MAP1B: variants seen among roughly 807,000 people sequenced by gnomAD.
MAP1B encodes microtubule associated protein 1B.
A neutral mutation model predicts 176.1 loss-of-function variants in MAP1B; 12 were observed. The observed-to-expected ratio is 0.07, with a 90% CI of 0.04 to 0.11. The LOEUF (loss-of-function observed/expected upper bound fraction) is 0.11, where lower values mean the gene tolerates loss of function less well. MAP1B is among the 10% of genes least tolerant of loss of function. The pLI, the probability that MAP1B is intolerant of heterozygous loss-of-function variation, is 1.00. For synonymous variants in MAP1B, 1,044 were observed against 1,135.0 expected (o/e 0.92, Z 1.61); for missense variants, 2,523 against 2,990.5 (o/e 0.84, Z 3.65).
At chr5:72,151,105 TG>T (rs1398357363) in intron 2 of MAP1B, among the ~76,000 whole-genome samples, 3 of 152,146 alleles carry the variant, frequency 2.0e-5, no homozygotes, top group African/African-American at 7.2e-5. Flanking sequence ...GGCATCTGCT[TG>T]GCTTCTGGTG....
intron 4 of MAP1B, among the ~76,000 whole-genome samples, chr5:72,188,151 T>C (rs962886380): frequency 3.9e-5 from 6 of 152,258 alleles, no homozygotes; most frequent in African/African-American, 1.4e-4. Context: ...GCATTGAAAT[T>C]CCAAAGCTAG....
intron 1 of MAP1B, among the ~76,000 whole-genome samples, chr5:72,109,286 C>CA (rs985359129): frequency 6.6e-6 from 1 of 151,104 alleles, no homozygotes; most frequent in African/African-American, 2.4e-5. Context: ...TATTTTATTC[C>CA]AAAAAATTCA....
At position 72,186,658 on chromosome 5, in the gene MAP1B, G is replaced by A; in HGVS notation, c.414G>A (p.Val138=). 3 of 1,614,230 alleles carry A rather than the reference G, an allele frequency of 1.9e-6. No individual in the cohort carries two copies. The highest frequency in any genetic ancestry group is 2.5e-6 in the Non-Finnish European group (3 of 1,180,040). Residue 138 remains valine (V), a synonymous_variant, in exon 4 of 7, where the codon GTG becomes GTA. Coordinates refer to ENST00000296755, the MANE Select transcript of MAP1B (RefSeq NM_005909.5). The surrounding 1 kb of genome is among the most constrained non-coding windows in gnomAD (Gnocchi z 4.3). Reference sequence around the variant, plus strand: ...ATGCTGCCCGACACAAGCTGCTCGTGCTGACCGGGCAGTGCTTTGAAAATA... The same window carrying A: ...ATGCTGCCCGACACAAGCTGCTCGTACTGACCGGGCAGTGCTTTGAAAATA... ...ITDAARHKLL[V]LTGQCFENTG...
intron 2 of MAP1B, among the ~76,000 whole-genome samples, chr5:72,163,517 T>A (rs1746365398): frequency 6.6e-6 from 1 of 152,198 alleles, no homozygotes. Context: ...GTGCTTCCAA[T>A]AAGGAATCTG....
intron 4 of MAP1B, among the ~76,000 whole-genome samples, chr5:72,187,950 C>G (rs1191646028): frequency 6.6e-6 from 1 of 152,194 alleles, no homozygotes; most frequent in Admixed American, 6.5e-5. Context: ...AGGATGGGAT[C>G]CCCCAGGCAG....
chr5:72,133,621 T>C (rs977695162), intron 2 of MAP1B, among the ~76,000 whole-genome samples: 2 of 152,198 alleles, frequency 1.3e-5, no homozygotes, highest in Non-Finnish European at 2.9e-5. Context: ...TTTATGAAAA[T>C]TCAGTAGCTA....
chr5:72,195,839 C>T lies in MAP1B; in HGVS notation c.2484C>T (p.Ser828=), dbSNP rs141590006. 190 of 1,614,218 alleles carry T rather than the reference C, an allele frequency of 1.2e-4. 1 individual carries two copies. The African/African-American group carries it at 2.1e-3, about 18-fold the overall frequency. Residue 828 remains serine, a synonymous_variant, in exon 5 of 7, where the codon TCC becomes TCT. Transcript: ENST00000296755. ...CCAAAGAACTCGAAGCTGAGAGGTC[C>T]CTTATGTCATCTCCTGAGGATCTAA... ...GPAKELEAER[S]LMSSPEDLTK...
intron 2 of MAP1B, among the ~76,000 whole-genome samples, chr5:72,142,905 A>G (rs1189331912): frequency 6.6e-6 from 1 of 152,172 alleles, no homozygotes; most frequent in East Asian, 1.9e-4. Context: ...AGAGTTTTTA[A>G]GTGATTTGAA....
chr5:72,166,231 A>G (rs1400744336), intron 2 of MAP1B, among the ~76,000 whole-genome samples: 1 of 152,194 alleles, frequency 6.6e-6, no homozygotes, highest in East Asian at 1.9e-4. Flanking sequence ...TCCTAGAGTA[A>G]TAGCTTCTGT....
At position 72,131,859 on chromosome 5, in the gene MAP1B, T is replaced by A. The variant is rs561939716; in HGVS notation, c.286+16060T>A. ...CCAGTCATCTCTCAGAGTGTTTGCT[T>A]TCTTCAGGCCAACAGTACGCAGCCT... is the stretch of plus-strand genomic sequence containing the variant. On this transcript the variant is annotated intron_variant, in intron 2 of 6. Coordinates refer to ENST00000296755, the MANE Select transcript of MAP1B (RefSeq NM_005909.5). Among the ~76,000 whole-genome samples, 7 of 152,328 alleles carry A rather than the reference T, an allele frequency of 4.6e-5. No homozygotes were observed. In the South Asian group the frequency reaches 6.2e-4, roughly 14 times the overall value.
chr5:72,163,273 A>G (rs1440666385), intron 2 of MAP1B, among the ~76,000 whole-genome samples: 3 of 151,594 alleles, frequency 2.0e-5, no homozygotes, highest in Non-Finnish European at 4.4e-5. Flanking sequence ...GAGAAACCTA[A>G]GGAGAGAAGA....
At position 72,194,908 on chromosome 5, in the gene MAP1B, A is replaced by G. The variant is rs1747113202; in HGVS notation, c.1553A>G (p.Gln518Arg). ...LDFLKQPLAT[Q>R]KDLTGQVPTP... is the part of the protein sequence containing the mutation. Reference sequence around the variant, plus strand: ...TTTCTGAAGCAGCCACTGGCCACCCAAAAGGATCTCACTGGCCAGGTGCCC... The same window carrying G: ...TTTCTGAAGCAGCCACTGGCCACCCGAAAGGATCTCACTGGCCAGGTGCCC... Residue 518 changes from glutamine (Q) to arginine (R), a missense_variant, in exon 5 of 7, where the codon CAA becomes CGA. Physicochemically the swap from Gln to Arg is conservative, Grantham distance 43 (BLOSUM62 1). Coordinates refer to ENST00000296755, the MANE Select transcript of MAP1B (RefSeq NM_005909.5). The surrounding 1 kb of genome is among the most constrained non-coding windows in gnomAD (Gnocchi z 7.2). 2 of 1,614,076 alleles carry G rather than the reference A, an allele frequency of 1.2e-6. No individual in the cohort carries two copies. The highest frequency in any genetic ancestry group is 2.7e-5 in the African/African-American group (2 of 74,938).
intron 4 of MAP1B, among the ~76,000 whole-genome samples, chr5:72,190,018 G>A (rs1174302621): frequency 6.6e-6 from 1 of 152,182 alleles, no homozygotes; most frequent in African/African-American, 2.4e-5. Context: ...CAGTAAGGGA[G>A]ACTTGTTTCA....
chr5:72,124,682 T>G (rs1397844035), intron 2 of MAP1B, among the ~76,000 whole-genome samples: 1 of 152,238 alleles, frequency 6.6e-6, no homozygotes, highest in Non-Finnish European at 1.5e-5. Flanking sequence ...ACACGCACTT[T>G]GCCATTAATC....
At chr5:72,184,267 G>A (rs571383259) in intron 3 of MAP1B, among the ~76,000 whole-genome samples, 7 of 152,256 alleles carry the variant, frequency 4.6e-5, no homozygotes, top group African/African-American at 7.2e-5. Context: ...CACTCCTATC[G>A]CTGTGGAAAG....
At chr5:72,142,843 G>C (rs1291986535) in intron 2 of MAP1B, among the ~76,000 whole-genome samples, 1 of 151,996 alleles carries the variant, frequency 6.6e-6, no homozygotes, top group Non-Finnish European at 1.5e-5. Context: ...AAACATTTTC[G>C]ACTGTGTTTT....
intron 2 of MAP1B, among the ~76,000 whole-genome samples, chr5:72,123,719 C>T (rs535544756): frequency 2.0e-5 from 3 of 152,206 alleles, no homozygotes; most frequent in East Asian, 1.9e-4. Context: ...CTCCTGACCT[C>T]GTGATCTGCC....
At chr5:72,108,178 C>A (rs894333347) in intron 1 of MAP1B, among the ~76,000 whole-genome samples, 1 of 152,260 alleles carries the variant, frequency 6.6e-6, no homozygotes, top group African/African-American at 2.4e-5. Flanking sequence ...GGGATTCATC[C>A]TCACCACGGC....
chr5:72,200,858 GT>G (rs1217895698), intron 5 of MAP1B, among the ~76,000 whole-genome samples: 8 of 152,070 alleles, frequency 5.3e-5, no homozygotes, highest in African/African-American at 1.9e-4. Flanking sequence ...AATTAAAAAT[GT>G]TTACATTTTT....
Sources: gnomAD v4.1 joint callset for allele counts (sites outside exome capture counted in the v4.1 genomes callset) on GRCh38, gnomAD v4.1.1 for gene constraint, Gnocchi (gnomAD v3.1) non-coding constraint, MANE v1.5 for transcripts, NCBI Gene and HGNC (gene_info 2026-07-23, HGNC 2026-07-21) for gene names.